Variants in DDR2 observed in about 807,000 individuals in gnomAD.
DDR2 encodes discoidin domain receptor tyrosine kinase 2, also known as discoidin domain-containing receptor 2.
DDR2 carries 27 observed loss-of-function variants against 94.9 expected under a neutral mutation model. The ratio of observed to expected loss-of-function variants is 0.28; its 90% CI spans 0.21 to 0.39. The LOEUF is 0.39. Among genes scored for constraint, DDR2 ranks in the 10% least tolerant of loss-of-function variants. The probability of loss-of-function intolerance (pLI) is 1.00; values close to 1 mark genes in which losing one functional copy is unlikely to be tolerated. For missense variants in DDR2, 783 were observed against 1,076.0 expected (o/e 0.73, Z 3.81); for synonymous variants, 382 against 377.2 (o/e 1.01, Z -0.15).
At chr1:162,707,096 A>T (rs1218498776) in intron 2 of DDR2, among the ~76,000 whole-genome samples, 1 of 152,150 alleles carries the variant, frequency 6.6e-6, no homozygotes, top group African/African-American at 2.4e-5. Context: ...TTCAGGCAGG[A>T]ACTCCTGGGC....
At position 162,785,552 on chromosome 1, in the gene DDR2, C is replaced by A. The variant is rs1648113182; in HGVS notation, c.*5306C>A. 6.6e-6 allele frequency: 1 copy of A among 152,136 alleles called. No homozygotes were observed. Among genetic ancestry groups the A allele is most frequent in the Non-Finnish European group, 1.5e-5 (1 of 68,020 alleles). The allele number at this position is 152,136 out of a possible 1,614,324, so 9.4% of individuals were successfully genotyped here. A position where few individuals can be genotyped will look rare whatever the true frequency, so the allele number is the denominator to read the frequency against. ...AGTTTTATGATTGACATTTTTAAGT[C>A]CCCTATTTAAGGGGTCAAGATTATA... On this transcript the variant is annotated 3_prime_UTR_variant, in exon 18 of 18. Coordinates refer to ENST00000367921, the MANE Select transcript of DDR2 (RefSeq NM_006182.4).
At chr1:162,714,400 G>A (rs887310496) in intron 2 of DDR2, among the ~76,000 whole-genome samples, 4 of 151,820 alleles carry the variant, frequency 2.6e-5, no homozygotes, top group Admixed American at 1.3e-4. Flanking sequence ...TATTCTTATG[G>A]TTCCATCTTT....
chr1:162,683,965 T>A (rs987480237), intron 2 of DDR2, among the ~76,000 whole-genome samples: 2 of 152,208 alleles, frequency 1.3e-5, no homozygotes, highest in African/African-American at 2.4e-5. Context: ...GTGGGAGGAA[T>A]CAGTCTACCC....
intron 1 of DDR2, among the ~76,000 whole-genome samples, chr1:162,650,309 T>C (rs1303433229): frequency 6.6e-6 from 1 of 151,552 alleles, no homozygotes; most frequent in Non-Finnish European, 1.5e-5. Context: ...ATAATAATAA[T>C]AACAGGCCAG....
At chr1:162,774,701 C>T (rs1296430740) in intron 14 of DDR2, among the ~76,000 whole-genome samples, 1 of 152,126 alleles carries the variant, frequency 6.6e-6, no homozygotes, top group Non-Finnish European at 1.5e-5. Flanking sequence ...AAGCCTTTCT[C>T]CGTTGTTCCG....
chr1:162,741,868 A>G, intron 3 of DDR2, among the ~76,000 whole-genome samples: 1 of 152,220 alleles, frequency 6.6e-6, no homozygotes, highest in East Asian at 1.9e-4. Flanking sequence ...TAAAACACTT[A>G]GCACACTCAG....
intron 1 of DDR2, among the ~76,000 whole-genome samples, chr1:162,654,812 A>G (rs935660748): frequency 4.6e-5 from 7 of 152,234 alleles, no homozygotes; most frequent in African/African-American, 1.7e-4. Flanking sequence ...AGAAGCAGAT[A>G]CGATAATCCA....
intron 2 of DDR2, among the ~76,000 whole-genome samples, chr1:162,667,856 A>T (rs1658659365): frequency 1.3e-5 from 2 of 152,306 alleles, no homozygotes; most frequent in South Asian, 4.1e-4. Flanking sequence ...CATCTTCCTC[A>T]ATTATCTGCA....
chr1:162,780,455 GA>G lies in DDR2; in HGVS notation c.*219del, dbSNP rs796122406. The G allele has an allele frequency of 8.4e-3, 3,963 of 474,584 alleles. 26 individuals carry two copies. Among genetic ancestry groups the G allele is most frequent in the African/African-American group, 0.031 (1,405 of 45,202 alleles). The allele number at this position is 474,584 out of a possible 1,614,324, so 29.4% of individuals were successfully genotyped here. ...TTTTTACATTAAAGAACTAAAAAAGGAAAAAAAAAAGCCTAGGGCAGATACA... is the reference window on the plus strand; with the variant it reads ...TTTTTACATTAAAGAACTAAAAAAGGAAAAAAAAAGCCTAGGGCAGATACA... On this transcript the variant is annotated 3_prime_UTR_variant, in exon 18 of 18. Coordinates refer to ENST00000367921, the MANE Select transcript of DDR2 (RefSeq NM_006182.4).
At chr1:162,665,442 C>T (rs929211354) in intron 2 of DDR2, among the ~76,000 whole-genome samples, 20 of 152,120 alleles carry the variant, frequency 1.3e-4, no homozygotes, top group Admixed American at 1.2e-3. Flanking sequence ...CTCAGGTTCC[C>T]ACTGCATCTT....
intron 11 of DDR2, among the ~76,000 whole-genome samples, chr1:162,769,933 A>G (rs1664182761): frequency 6.6e-6 from 1 of 152,222 alleles, no homozygotes; most frequent in Non-Finnish European, 1.5e-5. Flanking sequence ...AAAACCAAGT[A>G]GTTAAAGGGT....
chr1:162,672,586 A>G (rs1378149374), intron 2 of DDR2, among the ~76,000 whole-genome samples: 6 of 152,172 alleles, frequency 3.9e-5, no homozygotes, highest in Admixed American at 2.6e-4. Flanking sequence ...GTATACACAT[A>G]TATACATATA....
Position 162,780,280 on chromosome 1 carries a change from A to C in DDR2, c.*34A>C. 1.9e-6 allele frequency: 3 copies of C among 1,613,476 alleles called. No homozygotes were observed. Among genetic ancestry groups the C allele is most frequent in the Non-Finnish European group, 2.5e-6 (3 of 1,179,688 alleles). On this transcript the variant is annotated 3_prime_UTR_variant, in exon 18 of 18. Coordinates refer to ENST00000367921, the MANE Select transcript of DDR2 (RefSeq NM_006182.4). ...GTGCCTGGCCATGTTCCTACGGCTC[A>C]GGTCCTCCCTACAAGACCTACCACT...
chr1:162,754,939 T>C (rs572147333), intron 5 of DDR2, 84 bp downstream of exon 5: 1 of 1,521,682 alleles, frequency 6.6e-7, no homozygotes, highest in East Asian at 2.3e-5. Flanking sequence ...AGGTTTTCTG[T>C]GTGGATATGT....
chr1:162,689,704 C>A (rs967650320), intron 2 of DDR2, among the ~76,000 whole-genome samples: 1 of 151,508 alleles, frequency 6.6e-6, no homozygotes, highest in East Asian at 1.9e-4. Context: ...TTACCAAGAA[C>A]ACAGAAGACA....
At chr1:162,768,837 C>A (rs897524586) in intron 11 of DDR2, among the ~76,000 whole-genome samples, 1 of 152,226 alleles carries the variant, frequency 6.6e-6, no homozygotes, top group Non-Finnish European at 1.5e-5. Flanking sequence ...ACAGAATCCA[C>A]AGAGACTCAC....
intron 2 of DDR2, among the ~76,000 whole-genome samples, chr1:162,687,151 G>A (rs1346047058): frequency 6.6e-6 from 1 of 152,174 alleles, no homozygotes; most frequent in African/African-American, 2.4e-5. Context: ...GTCCAGCCTC[G>A]CTGTGTTTCT....
intron 2 of DDR2, among the ~76,000 whole-genome samples, chr1:162,673,604 TGTGTGAGAGAGAGAGA>T (rs1464643066): frequency 2.3e-5 from 3 of 127,664 alleles, no homozygotes; most frequent in East Asian, 2.7e-4. Flanking sequence ...TATGTGTGTG[TGTGTGAGAGAGAGAGA>T]GAGAGAGAGA....
intron 2 of DDR2, among the ~76,000 whole-genome samples, chr1:162,667,159 A>G (rs1457614016): frequency 1.3e-5 from 2 of 152,120 alleles, no homozygotes; most frequent in Non-Finnish European, 2.9e-5. Context: ...ACCCAGTTCC[A>G]GTGTTTTGTG....
Sources: allele counts gnomAD v4.1 joint callset (sites outside exome capture counted in the v4.1 genomes callset), GRCh38; gene constraint gnomAD v4.1.1; transcripts MANE v1.5; gene names NCBI Gene and HGNC (gene_info 2026-07-23, HGNC 2026-07-21).